OXR1: variants seen among roughly 807,000 people sequenced by gnomAD.
OXR1 encodes the protein oxidation resistance 1, also known as oxidation resistance protein 1.
OXR1 carries 41 observed loss-of-function variants against 104.6 expected under a neutral mutation model. The ratio of observed to expected loss-of-function variants is 0.39; its 90% CI spans 0.31 to 0.51. OXR1 has a LOEUF of 0.51. Ranked by LOEUF, OXR1 falls within the 20% of genes least tolerant of loss-of-function variation. OXR1 has a pLI of 0.77. For missense variants in OXR1, 955 were observed against 1,031.9 expected (o/e 0.93, Z 1.02); for synonymous variants, 348 against 348.4 (o/e 1.00, Z 0.01).
At chr8:106,485,722 G>A (rs1421656479) in intron 2 of OXR1, among the ~76,000 whole-genome samples, 1 of 152,030 alleles carries the variant, frequency 6.6e-6, no homozygotes, top group Non-Finnish European at 1.5e-5. Flanking sequence ...TCTATCAATG[G>A]ATGAATGGAT....
At chr8:106,318,519 C>G (rs1482582423) in intron 1 of OXR1, among the ~76,000 whole-genome samples, 1 of 152,194 alleles carries the variant, frequency 6.6e-6, no homozygotes, top group Non-Finnish European at 1.5e-5. Flanking sequence ...TCACAAAGTT[C>G]TCTGCCTTGC....
intron 2 of OXR1, among the ~76,000 whole-genome samples, chr8:106,503,114 A>G (rs1443703992): frequency 6.6e-6 from 1 of 152,112 alleles, no homozygotes; most frequent in Non-Finnish European, 1.5e-5. Context: ...ATAATCCTTC[A>G]ATGAATATGT....
Position 106,554,687 on chromosome 8 carries a change from C to T in OXR1, c.220+35548C>T, listed in dbSNP as rs189591202. 4.7e-4 allele frequency among the ~76,000 whole-genome samples: 71 copies of T among 152,190 alleles called. No homozygotes were observed. The East Asian group carries it at 0.013, about 27-fold the overall frequency. On this transcript the variant is annotated intron_variant, in intron 3 of 16. Coordinates refer to ENST00000517566, the MANE Select transcript of OXR1 (RefSeq NM_001198533.2). ...CATTTTTACAAAGTGACTTATGTCA[C>T]CCCCAGATGTGAAACCTGGGCATTG...
chr8:106,335,444 T>C (rs1006245132), intron 1 of OXR1, among the ~76,000 whole-genome samples: 6 of 152,196 alleles, frequency 3.9e-5, no homozygotes, highest in Non-Finnish European at 8.8e-5. Flanking sequence ...GAATGAATGC[T>C]TACTACTAAT....
chr8:106,296,193 C>A (rs530391357), intron 1 of OXR1, among the ~76,000 whole-genome samples: 1 of 152,280 alleles, frequency 6.6e-6, no homozygotes, highest in Non-Finnish European at 1.5e-5. Flanking sequence ...TACTCCCAGT[C>A]CCTTCTCATT....
At chr8:106,684,148 G>T in intron 5 of OXR1, 98 bp from the exon 6 acceptor site, 16 of 607,750 alleles carry the variant, frequency 2.6e-5, no homozygotes, top group Middle Eastern at 3.1e-4. Flanking sequence ...ATGTTTTTCT[G>T]TTTAATTGGT....
intron 1 of OXR1, among the ~76,000 whole-genome samples, chr8:106,291,490 T>C (rs1423508143): frequency 6.6e-6 from 1 of 152,162 alleles, no homozygotes; most frequent in East Asian, 1.9e-4. Context: ...GAAGTAAATA[T>C]AAACAAACAA....
intron 2 of OXR1, among the ~76,000 whole-genome samples, chr8:106,401,925 C>T (rs1489666691): frequency 6.6e-6 from 1 of 152,034 alleles, no homozygotes; most frequent in Non-Finnish European, 1.5e-5. Context: ...GGTTTTATAG[C>T]CTGAGGATTG....
At chr8:106,696,228 T>A (rs758051261) in intron 7 of OXR1, among the ~76,000 whole-genome samples, 1 of 152,200 alleles carries the variant, frequency 6.6e-6, no homozygotes, top group East Asian at 1.9e-4. Context: ...AGAGTATGAT[T>A]GAATGAATTC....
chr8:106,596,181 C>T (rs1472238498), intron 3 of OXR1, among the ~76,000 whole-genome samples: 2 of 152,066 alleles, frequency 1.3e-5, no homozygotes, highest in East Asian at 1.9e-4. Context: ...TGCAGTGGCT[C>T]ACATCTACAA....
rs28459991 is a variant in OXR1, at chr8:106,447,979, C to T, written c.24-70964C>T. The T allele has an allele frequency of 0.01, 15,743 of 1,535,292 alleles. 1,423 individuals carry two copies. In the African/African-American group the frequency reaches 0.19, roughly 19 times the overall value. ...AACAGAACTCTGATCAGATCCGCCCCGGCTCCCACACAGCTATAAGGTTGC... is the reference window on the plus strand; with the variant it reads ...AACAGAACTCTGATCAGATCCGCCCTGGCTCCCACACAGCTATAAGGTTGC... On this transcript the variant is annotated intron_variant, in intron 2 of 16. Transcript: ENST00000517566.
chr8:106,347,521 C>A (rs78731533), intron 1 of OXR1, among the ~76,000 whole-genome samples: 7,653 of 152,178 alleles, frequency 0.05, 264 homozygotes, highest in South Asian at 0.11. Context: ...AGCAATTCAA[C>A]TAAAATTGAC....
chr8:106,359,043 ATTCTTTTCTTTCT>A (rs1816119208), intron 1 of OXR1, among the ~76,000 whole-genome samples: 2 of 130,928 alleles, frequency 1.5e-5, no homozygotes, highest in Non-Finnish European at 3.1e-5. Context: ...GTGTCATGGA[ATTCTTTTCTTTCT>A]TTCTTTCTTT....
In OXR1 at chr8:106,710,608, C is replaced by T. The variant is rs564662751; in HGVS notation, c.1625-14C>T. 11 of 1,532,360 alleles carry T rather than the reference C, an allele frequency of 7.2e-6. No individual in the cohort carries two copies. In the East Asian group the frequency reaches 2.6e-4, roughly 36 times the overall value. The allele number at this position is 1,532,360 out of a possible 1,614,324, so 94.9% of individuals were successfully genotyped here. ...GTGAGAATTGAATAAACACTGTTTG[C>T]ATCTCAATTCTAGGTTCTGCACTTT... On this transcript the variant is annotated splice_polypyrimidine_tract_variant and intron_variant, in intron 9 of 16. Coordinates refer to ENST00000517566, the MANE Select transcript of OXR1 (RefSeq NM_001198533.2).
chr8:106,384,783 G>A (rs890767796), intron 2 of OXR1, among the ~76,000 whole-genome samples: 2 of 149,322 alleles, frequency 1.3e-5, no homozygotes, highest in Non-Finnish European at 3.0e-5. Flanking sequence ...CCAGGCTGGA[G>A]TGCTCACTGT....
chr8:106,429,886 T>C, intron 2 of OXR1, among the ~76,000 whole-genome samples: 1 of 152,180 alleles, frequency 6.6e-6, no homozygotes, highest in East Asian at 1.9e-4. Context: ...TTCCAATATT[T>C]TATTCAGTAT....
chr8:106,384,983 G>A (rs1817312924), intron 2 of OXR1, among the ~76,000 whole-genome samples: 2 of 152,052 alleles, frequency 1.3e-5, no homozygotes, highest in Admixed American at 1.3e-4. Context: ...CCAAAGTGCT[G>A]GGATTACAGG....
chr8:106,736,547 C>T (rs756594310), intron 11 of OXR1, among the ~76,000 whole-genome samples: 1 of 152,102 alleles, frequency 6.6e-6, no homozygotes, highest in Non-Finnish European at 1.5e-5. Flanking sequence ...TCAAGAGAAT[C>T]GTCACATATT....
intron 3 of OXR1, among the ~76,000 whole-genome samples, chr8:106,672,639 G>A (rs534064342): frequency 6.6e-6 from 1 of 152,272 alleles, no homozygotes; most frequent in South Asian, 2.1e-4. Context: ...CATATGGTTA[G>A]GCTTTGTGTC....
Sources: allele counts gnomAD v4.1 joint callset (sites outside exome capture counted in the v4.1 genomes callset), GRCh38; gene constraint gnomAD v4.1.1; transcripts MANE v1.5; gene names NCBI Gene and HGNC (gene_info 2026-07-23, HGNC 2026-07-21).